The following PBX1 variants were observed in gnomAD, a reference collection of about 807,000 sequenced individuals.
The protein encoded by PBX1 is PBX homeobox 1.
In PBX1, 6 loss-of-function variants were observed where a neutral mutation model predicts 53.4. That is an observed-to-expected ratio of 0.11 (90% confidence interval 0.06 to 0.22). The LOEUF (loss-of-function observed/expected upper bound fraction) is 0.22. Ranked by LOEUF, PBX1 falls within the 10% of genes least tolerant of loss-of-function variation. The pLI, the probability that PBX1 is intolerant of heterozygous loss-of-function variation, is 1.00. For missense variants in PBX1, 251 were observed against 551.4 expected, an observed-to-expected ratio of 0.46 and a Z score of 5.46; for synonymous variants, 204 against 212.3, an observed-to-expected ratio of 0.96 and a Z score of 0.34.
chr1:164,771,742 C>T (rs1667382065), intron 2 of PBX1, among the ~76,000 whole-genome samples: 1 of 152,078 alleles, frequency 6.6e-6, no homozygotes, highest in African/African-American at 2.4e-5. Flanking sequence ...GCTCATGTGA[C>T]ACAGTGTTAC....
intron 2 of PBX1, among the ~76,000 whole-genome samples, chr1:164,610,709 G>A (rs1656862581): frequency 1.3e-5 from 2 of 152,192 alleles, no homozygotes; most frequent in Admixed American, 6.5e-5. Flanking sequence ...TCACAGGGCT[G>A]GCATCACCCT....
intron 2 of PBX1, among the ~76,000 whole-genome samples, chr1:164,586,755 A>G (rs1654973659): frequency 6.6e-6 from 1 of 152,244 alleles, no homozygotes; most frequent in South Asian, 2.1e-4. Flanking sequence ...GCATAGATTT[A>G]GAAATCCTGT....
At chr1:164,675,306 A>C (rs574070440) in intron 2 of PBX1, among the ~76,000 whole-genome samples, 1 of 152,318 alleles carries the variant, frequency 6.6e-6, no homozygotes, top group East Asian at 1.9e-4. Flanking sequence ...AGAGAATAGG[A>C]CATGTCTTTC....
intron 2 of PBX1, among the ~76,000 whole-genome samples, chr1:164,678,590 C>G (rs1661572756): frequency 6.6e-6 from 1 of 152,172 alleles, no homozygotes; most frequent in South Asian, 2.1e-4. Flanking sequence ...CTGCCACAGC[C>G]CATTTAGGGG....
chr1:164,783,538 T>C (rs1166385140), intron 2 of PBX1, among the ~76,000 whole-genome samples: 3 of 152,212 alleles, frequency 2.0e-5, no homozygotes, highest in African/African-American at 7.2e-5. Flanking sequence ...CCCAAAGGGA[T>C]CTTTATCAGT....
chr1:164,633,154 CTT>C (rs59864546), intron 2 of PBX1, among the ~76,000 whole-genome samples: 6 of 144,614 alleles, frequency 4.1e-5, no homozygotes, highest in Admixed American at 6.9e-5. Flanking sequence ...TCTTTCTTTT[CTT>C]TTTTTTTTTT....
chr1:164,659,751 G>A (rs987894324), intron 2 of PBX1, among the ~76,000 whole-genome samples: 1 of 152,130 alleles, frequency 6.6e-6, no homozygotes, highest in African/African-American at 2.4e-5. Context: ...TGTTTTGAGG[G>A]AGCTAAGCAG....
intron 8 of PBX1, among the ~76,000 whole-genome samples, chr1:164,839,125 T>C (rs1467250616): frequency 6.6e-6 from 1 of 152,186 alleles, no homozygotes; most frequent in East Asian, 1.9e-4. Context: ...ACTCTTGGCT[T>C]GTCTGTTTTC....
At chr1:164,577,901 G>C (rs1201609447) in intron 2 of PBX1, among the ~76,000 whole-genome samples, 2 of 152,320 alleles carry the variant, frequency 1.3e-5, no homozygotes, top group Admixed American at 1.3e-4. Flanking sequence ...TATTATGTAG[G>C]TTGAGAGTTC....
intron 2 of PBX1, among the ~76,000 whole-genome samples, chr1:164,564,743 G>GT (rs1653311431): frequency 6.6e-6 from 1 of 151,868 alleles, no homozygotes; most frequent in African/African-American, 2.4e-5. Context: ...TATCAAAAGA[G>GT]TTTTTTCCAG....
intron 2 of PBX1, among the ~76,000 whole-genome samples, chr1:164,619,271 G>A (rs973122946): frequency 3.3e-5 from 5 of 152,044 alleles, no homozygotes; most frequent in South Asian, 2.1e-4. Flanking sequence ...TCCTCCCTGC[G>A]CCTAAACTCA....
rs187541003 is a variant in PBX1, at chr1:164,666,214, G to A, written c.265+102903G>A. On this transcript the variant is annotated intron_variant, in intron 2 of 8. Coordinates refer to ENST00000420696, the MANE Select transcript of PBX1 (RefSeq NM_002585.4). ...GTCTAACATAGTGGTCTCTCCTGGG[G>A]GTTTCTCAACTGCCACTTGGCGTCT... 3.9e-5 allele frequency among the ~76,000 whole-genome samples: 6 copies of A among 152,208 alleles called. No individual in the cohort carries two copies. In the East Asian group the frequency reaches 1.2e-3, roughly 29 times the overall value.
chr1:164,675,373 GC>G lies in PBX1; in HGVS notation c.265+112064del, dbSNP rs1661374338. 2.6e-5 allele frequency among the ~76,000 whole-genome samples: 4 copies of G among 151,982 alleles called. No homozygotes were observed. The Middle Eastern group carries it at 0.01, about 390-fold the overall frequency. ...TGGTGCAAAAGTAATTGCGGTTTTT[GC>G]CTTACTTTCAATGGCAAAAACCTCA... On this transcript the variant is annotated intron_variant, in intron 2 of 8. Coordinates refer to ENST00000420696, the MANE Select transcript of PBX1 (RefSeq NM_002585.4).
chr1:164,827,218 G>A (rs923429261), intron 8 of PBX1, among the ~76,000 whole-genome samples: 7 of 152,200 alleles, frequency 4.6e-5, no homozygotes, highest in African/African-American at 1.7e-4. Flanking sequence ...GTTGCCACAT[G>A]TGGAATTGTA....
At position 164,559,978 on chromosome 1, in the gene PBX1, C is replaced by T; in HGVS notation, c.156C>T (p.Thr52=). Residue 52 remains threonine, a synonymous_variant, in exon 1 of 9, where the codon ACC becomes ACT. Coordinates refer to ENST00000420696, the MANE Select transcript of PBX1 (RefSeq NM_002585.4). The part of the protein sequence containing the change: ...DIGDILQQIM[T]ITDQSLDEAQ... ...GAGACATTTTACAGCAAATTATGAC[C>T]ATCACAGACCAGAGTTTGGATGAGG... 2.7e-6 allele frequency: 4 copies of T among 1,500,664 alleles called. No individual in the cohort carries two copies. The highest frequency in any genetic ancestry group is 2.7e-6 in the Non-Finnish European group (3 of 1,118,654). The allele number at this position is 1,500,664 out of a possible 1,614,324, so 93.0% of individuals were successfully genotyped here. A position where few individuals can be genotyped will look rare whatever the true frequency, so the allele number is the denominator to read the frequency against.
At chr1:164,855,026 C>T (rs1389247577), downstream of PBX1, among the ~76,000 whole-genome samples, 4 of 147,982 alleles carry the variant, frequency 2.7e-5, no homozygotes, top group Non-Finnish European at 1.5e-5. Flanking sequence ...TGGCTCACTG[C>T]AGTCTCGACC....
chr1:164,799,854 G>A lies in PBX1; in HGVS notation c.666G>A (p.Ala222=), dbSNP rs1388049892. Residue 222 remains alanine (A), a synonymous_variant, in exon 4 of 9, where the codon GCG becomes GCA. Transcript: ENST00000420696. Reference sequence around the variant, plus strand: ...AGCTCAAGCAGAGCACGTGCGAGGCGGTGATGATCCTGCGTTCCCGATTTC... The same window carrying A: ...AGCTCAAGCAGAGCACGTGCGAGGCAGTGATGATCCTGCGTTCCCGATTTC... ...QMQLKQSTCE[A]VMILRSRFLD... 6.2e-6 allele frequency: 10 copies of A among 1,613,538 alleles called. No individual in the cohort carries two copies. The highest frequency in any genetic ancestry group is 8.5e-6 in the Non-Finnish European group (10 of 1,179,684).
At chr1:164,625,991 A>G in intron 2 of PBX1, 1 of 1,041,328 alleles carries the variant, frequency 9.6e-7, no homozygotes, top group Non-Finnish European at 1.2e-6. Flanking sequence ...TAGGATACAA[A>G]GTTCTGTTCG....
At position 164,773,243 on chromosome 1, in the gene PBX1, G is replaced by GCGCACACACA. The variant is rs113836981; in HGVS notation, c.266-19250_266-19249insGCACACACAC. 6.1e-5 allele frequency among the ~76,000 whole-genome samples: 9 copies of GCGCACACACA among 147,784 alleles called. No homozygotes were observed. The South Asian group carries it at 1.1e-3, about 18-fold the overall frequency. On this transcript the variant is annotated intron_variant, in intron 2 of 8. Coordinates refer to ENST00000420696, the MANE Select transcript of PBX1 (RefSeq NM_002585.4). The stretch of plus-strand genomic sequence containing the variant: ...CAGCTCTTGCATATAGGTAACACGC[G>GCGCACACACA]CACACACACACACACACACACACAC...
Sources: allele counts gnomAD v4.1 joint callset (sites outside exome capture counted in the v4.1 genomes callset), GRCh38; gene constraint gnomAD v4.1.1; transcripts MANE v1.5; gene names NCBI Gene and HGNC (gene_info 2026-07-23, HGNC 2026-07-21).